KCNN2: variants seen among roughly 807,000 people sequenced by gnomAD.
KCNN2 encodes small conductance calcium-activated potassium channel protein 2.
A neutral mutation model predicts 55.5 loss-of-function variants in KCNN2; 24 were observed. That is an observed-to-expected ratio of 0.43 (90% CI 0.31 to 0.61). The LOEUF (loss-of-function observed/expected upper bound fraction) is 0.61. Among genes scored for constraint, KCNN2 ranks in the 20% least tolerant of loss-of-function variants. The pLI is 0.08. For missense variants in KCNN2, 754 were observed against 853.6 expected (o/e 0.88, Z 1.45); for synonymous variants, 431 against 336.1 (o/e 1.28, Z -3.09).
At chr5:114,121,815 G>A (rs773037136) in intron 1 of KCNN2, among the ~76,000 whole-genome samples, 13 of 152,100 alleles carry the variant, frequency 8.5e-5, no homozygotes, top group Admixed American at 2.0e-4. Context: ...TTGCCCCCAT[G>A]GAAACACTCC....
chr5:114,194,229 C>CTGG (rs1753506216), intron 1 of KCNN2, among the ~76,000 whole-genome samples: 1 of 151,994 alleles, frequency 6.6e-6, no homozygotes, highest in Non-Finnish European at 1.5e-5. Context: ...GGTGAAATGG[C>CTGG]TGAGTTTTAT....
chr5:114,265,060 A>C (rs1464793478), intron 2 of KCNN2, among the ~76,000 whole-genome samples: 2 of 152,170 alleles, frequency 1.3e-5, no homozygotes, highest in Non-Finnish European at 2.9e-5. Flanking sequence ...GATTGGGATA[A>C]AGCACTTTCT....
chr5:114,120,979 T>G (rs150876822), intron 1 of KCNN2, among the ~76,000 whole-genome samples: 1 of 152,320 alleles, frequency 6.6e-6, no homozygotes, highest in East Asian at 1.9e-4. Context: ...GCCCCAGGCC[T>G]TATCAATTGG....
At chr5:114,237,037 A>G (rs1430394093) in intron 2 of KCNN2, among the ~76,000 whole-genome samples, 4 of 152,130 alleles carry the variant, frequency 2.6e-5, no homozygotes, top group Non-Finnish European at 5.9e-5. Context: ...CAGTGCTGCT[A>G]AAATAGTCTT....
chr5:114,423,998 A>G (rs1759544905), intron 3 of KCNN2, among the ~76,000 whole-genome samples: 2 of 152,202 alleles, frequency 1.3e-5, no homozygotes, highest in South Asian at 4.1e-4. Context: ...TTGCAGTTGG[A>G]AATTAAGCTA....
Position 114,362,943 on chromosome 5 carries a change from C to CGCCGCCGCT in KCNN2, c.809_810insCGCTGCCGC (p.Ala268_Ala270dup). 1.9e-6 allele frequency: 3 copies of CGCCGCCGCT among 1,587,792 alleles called. No individual in the cohort carries two copies. In the Admixed American group the frequency reaches 5.2e-5, roughly 27 times the overall value. On this transcript the variant is annotated inframe_insertion, in exon 1 of 8. Coordinates refer to ENST00000673685, the MANE Select transcript of KCNN2 (RefSeq NM_021614.4). ...CCCCGTCTGCAGCCGCTGCCGCCGC[C>CGCCGCCGCT]GCCGCTGTTTCGTCCTCAGCCCCCG...
At chr5:114,198,664 A>G (rs1753610442) in intron 1 of KCNN2, among the ~76,000 whole-genome samples, 1 of 151,852 alleles carries the variant, frequency 6.6e-6, no homozygotes, top group African/African-American at 2.4e-5. Flanking sequence ...CTTTTTTAAG[A>G]TTTTTTTAAT....
intron 5 of KCNN2, among the ~76,000 whole-genome samples, chr5:114,485,017 A>T (rs1178573071): frequency 6.6e-6 from 1 of 152,192 alleles, no homozygotes; most frequent in Non-Finnish European, 1.5e-5. Flanking sequence ...CTTTCTTCAT[A>T]TACCCAAGAG....
chr5:114,466,754 G>T (rs911240057), intron 4 of KCNN2, among the ~76,000 whole-genome samples: 3 of 151,848 alleles, frequency 2.0e-5, no homozygotes, highest in Admixed American at 6.6e-5. Context: ...AGGGATGCAG[G>T]TTGTTATTCA....
At position 114,496,371 on chromosome 5, in the gene KCNN2, G is replaced by A. The variant is rs1748125807; in HGVS notation, c.*189G>A. 1 of 588,410 alleles carries A rather than the reference G, an allele frequency of 1.7e-6. No homozygotes were observed. The highest frequency in any genetic ancestry group is 2.3e-5 in the South Asian group (1 of 43,212). The allele number at this position is 588,410 out of a possible 1,614,324, so 36.4% of individuals were successfully genotyped here. On this transcript the variant is annotated 3_prime_UTR_variant, in exon 8 of 8. Transcript: ENST00000673685. ...CTTTTTTTTTCTTTCAGATGCACAGGGAATGCACCTATTATTGCTATATAG... is the reference window on the plus strand; with the variant it reads ...CTTTTTTTTTCTTTCAGATGCACAGAGAATGCACCTATTATTGCTATATAG...
intron 2 of KCNN2, among the ~76,000 whole-genome samples, chr5:114,383,363 G>A (rs933537510): frequency 1.3e-5 from 2 of 151,790 alleles, no homozygotes; most frequent in African/African-American, 4.8e-5. Flanking sequence ...ATTCCTCAAG[G>A]AATATGCTAA....
intron 2 of KCNN2, among the ~76,000 whole-genome samples, chr5:114,351,835 T>C (rs1425541244): frequency 1.3e-5 from 2 of 151,824 alleles, no homozygotes; most frequent in African/African-American, 4.8e-5. Context: ...CTTTGTATGT[T>C]GCTGTATTTG....
intron 2 of KCNN2, among the ~76,000 whole-genome samples, chr5:114,374,368 T>G (rs1277755747): frequency 3.3e-5 from 5 of 152,180 alleles, no homozygotes; most frequent in Non-Finnish European, 5.9e-5. Flanking sequence ...TGTAAATGAC[T>G]GTAGTTGGCA....
chr5:114,186,013 T>A (rs1441332792), intron 1 of KCNN2, among the ~76,000 whole-genome samples: 2 of 152,234 alleles, frequency 1.3e-5, no homozygotes, highest in African/African-American at 2.4e-5. Context: ...ATATGTGTAC[T>A]CTGATTTATG....
intron 3 of KCNN2, among the ~76,000 whole-genome samples, chr5:114,421,690 A>T (rs1489891991): frequency 6.6e-6 from 1 of 150,568 alleles, no homozygotes; most frequent in African/African-American, 2.4e-5. Context: ...GCTCACTGCA[A>T]CCTCTGCTTC....
intron 1 of KCNN2, among the ~76,000 whole-genome samples, chr5:114,157,854 T>G (rs1303495574): frequency 6.6e-6 from 1 of 151,882 alleles, no homozygotes; most frequent in East Asian, 1.9e-4. Flanking sequence ...GATGGGGTTT[T>G]TTTTTTTCTT....
chr5:114,264,821 T>C (rs1417747696), intron 2 of KCNN2, among the ~76,000 whole-genome samples: 2 of 152,194 alleles, frequency 1.3e-5, no homozygotes, highest in East Asian at 1.9e-4. Context: ...CTTTGCTCCG[T>C]AGGTTATATG....
intron 3 of KCNN2, among the ~76,000 whole-genome samples, chr5:114,429,846 T>C (rs1561378748): frequency 7.6e-6 from 1 of 131,294 alleles, no homozygotes. Flanking sequence ...TTTTTTAACA[T>C]GTGGATGCCC....
chr5:114,225,095 CA>C (rs1367567106), intron 2 of KCNN2, among the ~76,000 whole-genome samples: 1 of 152,014 alleles, frequency 6.6e-6, no homozygotes, highest in African/African-American at 2.4e-5. Context: ...TGACTAAATA[CA>C]AAGTATTTTA....
Sources: gnomAD v4.1 joint callset for allele counts (sites outside exome capture counted in the v4.1 genomes callset) on GRCh38, gnomAD v4.1.1 for gene constraint, MANE v1.5 for transcripts, NCBI Gene and HGNC (gene_info 2026-07-23, HGNC 2026-07-21) for gene names.